Variants in TMCC2 observed in about 807,000 individuals in gnomAD.
The protein encoded by TMCC2 is transmembrane and coiled-coil domains protein 2.
TMCC2 carries 16 observed loss-of-function variants against 49.4 expected under a neutral mutation model. The ratio of observed to expected loss-of-function variants is 0.32; its 90% confidence interval spans 0.22 to 0.49. The LOEUF (loss-of-function observed/expected upper bound fraction) is 0.49. TMCC2 is among the 20% of genes least tolerant of loss of function. TMCC2 has a pLI of 0.99. For synonymous variants in TMCC2, 397 were observed against 434.1 expected (o/e 0.91, Z 1.06); for missense variants, 762 against 989.8 (o/e 0.77, Z 3.09).
rs1009509402 is a variant in TMCC2 at position 205,257,105 on chromosome 1, C to G, written c.748-11845C>G. Reference sequence around the variant, plus strand: ...TCCCGCGCTCGGTGATCCTCCCTGTCTCCTGCCAGATGGGAAGGAGCAGCC... The same window carrying G: ...TCCCGCGCTCGGTGATCCTCCCTGTGTCCTGCCAGATGGGAAGGAGCAGCC... On this transcript the variant is annotated intron_variant, in intron 2 of 4. Coordinates refer to ENST00000358024, the MANE Select transcript of TMCC2 (RefSeq NM_014858.4). 1.7e-5 allele frequency: 20 copies of G among 1,210,992 alleles called. No homozygotes were observed. In the Admixed American group the frequency reaches 3.4e-4, roughly 20 times the overall value. The allele number at this position is 1,210,992 out of a possible 1,614,324, so 75.0% of individuals were successfully genotyped here. A position where few individuals can be genotyped will look rare whatever the true frequency, so the allele number is the denominator to read the frequency against.
intron 1 of TMCC2, among the ~76,000 whole-genome samples, chr1:205,232,652 C>T (rs182732924): frequency 2.0e-5 from 3 of 152,066 alleles, no homozygotes; most frequent in South Asian, 2.1e-4. Flanking sequence ...GCATACGGGC[C>T]GGGAGCGGTG....
chr1:205,257,507 G>C (rs1162066822), intron 2 of TMCC2: 1 of 969,364 alleles, frequency 1.0e-6, no homozygotes, highest in African/African-American at 1.7e-5. Flanking sequence ...CAGGTATAGA[G>C]AACTGTTTGT....
intron 2 of TMCC2, among the ~76,000 whole-genome samples, chr1:205,251,099 G>T (rs1049729578): frequency 2.6e-5 from 4 of 152,160 alleles, no homozygotes; most frequent in African/African-American, 9.7e-5. Flanking sequence ...CATATTTTGG[G>T]CTTTCTCTGT....
intron 3 of TMCC2, 115 bp from the exon 4 acceptor site, chr1:205,271,005 T>A: frequency 7.0e-7 from 1 of 1,427,116 alleles, no homozygotes. Context: ...AGAGCAGAGC[T>A]GGACACGGGG....
chr1:205,228,067 A>C lies in TMCC2; in HGVS notation c.-498A>C, dbSNP rs923532422. ...GCGCTGCGGGCTCCGCGGCCGGACC[A>C]TGCGGGGCAGGGGCCGGTTGCAGGG... On this transcript the variant is annotated 5_prime_UTR_variant, in exon 1 of 5. It removes an upstream start codon present in the reference 5' UTR. Transcript: ENST00000358024. The C allele has an allele frequency of 4.1e-5, 6 of 146,836 alleles. No homozygotes were observed. In the South Asian group the frequency reaches 1.3e-3, roughly 31 times the overall value. The allele number at this position is 146,836 out of a possible 1,614,324, so 9.1% of individuals were successfully genotyped here. A position where few individuals can be genotyped will look rare whatever the true frequency, so the allele number is the denominator to read the frequency against.
chr1:205,247,047 T>C (rs1052077003), intron 2 of TMCC2, among the ~76,000 whole-genome samples: 3 of 152,124 alleles, frequency 2.0e-5, no homozygotes, highest in Non-Finnish European at 4.4e-5. Context: ...CCAGACACTT[T>C]GGGTGACCTG....
At chr1:205,248,619 G>C (rs1470143020) in intron 2 of TMCC2, among the ~76,000 whole-genome samples, 1 of 152,112 alleles carries the variant, frequency 6.6e-6, no homozygotes, top group Non-Finnish European at 1.5e-5. Flanking sequence ...CAAGCCCCGG[G>C]GACTAGAAAG....
intron 2 of TMCC2, among the ~76,000 whole-genome samples, chr1:205,246,922 G>T (rs1329183971): frequency 6.6e-6 from 1 of 151,988 alleles, no homozygotes; most frequent in African/African-American, 2.4e-5. Context: ...GGGAAGTGGG[G>T]CAGGCTCATT....
intron 1 of TMCC2, among the ~76,000 whole-genome samples, chr1:205,231,699 GTTGAC>G (rs1443261146): frequency 1.3e-5 from 2 of 152,204 alleles, no homozygotes; most frequent in Non-Finnish European, 2.9e-5. Context: ...CTGGGTAGAA[GTTGAC>G]TTGTTTTAGA....
Position 205,271,209 on chromosome 1 carries a change from A to T in TMCC2, c.1772A>T (p.Glu591Val). The T allele has an allele frequency of 6.2e-7, 1 of 1,614,140 alleles. No individual in the cohort carries two copies. Among genetic ancestry groups the T allele is most frequent in the Non-Finnish European group, 8.5e-7 (1 of 1,180,032 alleles). ...TNLKQELASM[E>V]EKVAYQSYER... ...CTGAAGCAGGAGCTGGCCAGCATGG[A>T]GGAGAAGGTGGCCTACCAGTCCTAT... is the stretch of plus-strand genomic sequence containing the variant. Residue 591 changes from glutamate (E) to valine (V), a missense_variant, in exon 4 of 5, where the codon GAG becomes GTG. Around this residue, in one of 2 missense-constraint regions of TMCC2, gnomAD observed 440 missense variants for 636.7 expected, o/e 0.69. Transcript: ENST00000358024.
Position 205,269,484 on chromosome 1 carries a change from T to G in TMCC2, c.1282T>G (p.Phe428Val), listed in dbSNP as rs1574871296. The change falls in exon 3 of 5, where the codon TTT (phenylalanine) becomes GTT (valine). Residue 428 changes from phenylalanine to valine, a missense_variant. Coordinates refer to ENST00000358024, the MANE Select transcript of TMCC2 (RefSeq NM_014858.4). ...HTAVVSKPRE[F>V]ASLIRNKFGS... ...CGCCGTGGTGTCCAAGCCCCGGGAG[T>G]TTGCCAGCCTCATCCGCAACAAGTT... The G allele has an allele frequency of 1.2e-6, 2 of 1,607,226 alleles. No homozygotes were observed. The highest frequency in any genetic ancestry group is 8.5e-7 in the Non-Finnish European group (1 of 1,175,268).
chr1:205,267,700 T>A (rs1401904945), intron 2 of TMCC2, among the ~76,000 whole-genome samples: 1 of 152,092 alleles, frequency 6.6e-6, no homozygotes, highest in Non-Finnish European at 1.5e-5. Context: ...TTTCCTCCTT[T>A]CTCTCCCTCC....
intron 1 of TMCC2, among the ~76,000 whole-genome samples, chr1:205,239,286 G>A (rs1262726382): frequency 6.6e-5 from 10 of 152,244 alleles, no homozygotes; most frequent in African/African-American, 2.4e-4. Context: ...CACAGTGTCT[G>A]GAGGGAGGTC....
intron 2 of TMCC2, chr1:205,256,340 C>T (rs182790129): frequency 3.5e-5 from 55 of 1,550,648 alleles, no homozygotes; most frequent in African/African-American, 1.5e-4. Context: ...CTGTGGACCT[C>T]TGTCCCCCTC....
At position 205,271,493 on chromosome 1, in the gene TMCC2, G is replaced by T. The variant is rs1197645942; in HGVS notation, c.1818+238G>T. On this transcript the variant is annotated intron_variant, in intron 4 of 4. Transcript: ENST00000358024. ...AAGCCCACAGGGCAGAGGCCACCATGCCCCCCACCTCTTTGATGGCAGCTT... is the reference window on the plus strand; with the variant it reads ...AAGCCCACAGGGCAGAGGCCACCATTCCCCCCACCTCTTTGATGGCAGCTT... The T allele has an allele frequency of 3.2e-5, 22 of 689,890 alleles. 1 individual carries two copies. The East Asian group carries it at 4.4e-4, about 14-fold the overall frequency. The allele number at this position is 689,890 out of a possible 1,614,324, so 42.7% of individuals were successfully genotyped here. A position where few individuals can be genotyped will look rare whatever the true frequency, so the allele number is the denominator to read the frequency against.
At chr1:205,258,830 C>G (rs1660985875) in intron 2 of TMCC2, among the ~76,000 whole-genome samples, 1 of 152,222 alleles carries the variant, frequency 6.6e-6, no homozygotes, top group Non-Finnish European at 1.5e-5. Flanking sequence ...TGTAGGCTTT[C>G]CTCTCCATCC....
intron 1 of TMCC2, chr1:205,229,661 C>T: frequency 1.0e-6 from 1 of 985,016 alleles, no homozygotes; most frequent in South Asian, 4.7e-5. Flanking sequence ...AACCAACCCC[C>T]AGGGTGGAGA....
At position 205,269,651 on chromosome 1, in the gene TMCC2, C is replaced by T. The variant is rs775033279; in HGVS notation, c.1449C>T (p.Ser483=). 8.7e-6 allele frequency: 14 copies of T among 1,613,632 alleles called. No homozygotes were observed. Among genetic ancestry groups the T allele is most frequent in the African/African-American group, 2.7e-5 (2 of 74,952 alleles). Residue 483 remains serine, a synonymous_variant, in exon 3 of 5, where the codon AGC becomes AGT. Transcript: ENST00000358024. ...GCGATGATGAGTGCTCCAGCGCCAG[C>T]GCCAGCTCAGCCGGGGCAGGCAGCA... The part of the protein sequence containing the change: ...YGSDDECSSA[S]ASSAGAGSNS...
rs148246703 is a variant in TMCC2 at position 205,250,328 on chromosome 1, G to A, written c.747+8284G>A. Among the ~76,000 whole-genome samples, 982 of 152,218 alleles carry A rather than the reference G, an allele frequency of 6.5e-3. 6 individuals carry two copies. The highest frequency in any genetic ancestry group is 0.012 in the Non-Finnish European group (792 of 68,008). Reference sequence around the variant, plus strand: ...GGCCGAGGTGGGTGTATCACCTGAGGTCAGGCGTCCGAGACCACCCTGGCC... The same window carrying A: ...GGCCGAGGTGGGTGTATCACCTGAGATCAGGCGTCCGAGACCACCCTGGCC... On this transcript the variant is annotated intron_variant, in intron 2 of 4. Coordinates refer to ENST00000358024, the MANE Select transcript of TMCC2 (RefSeq NM_014858.4).
Sources: gnomAD v4.1 joint callset for allele counts (sites outside exome capture counted in the v4.1 genomes callset) on GRCh38, gnomAD v4.1.1 for gene constraint, gnomAD v4.1.1 regional missense constraint, MANE v1.5 for transcripts, NCBI Gene and HGNC (gene_info 2026-07-23, HGNC 2026-07-21) for gene names.